The following SLC52A3 variants were observed in gnomAD, a reference collection of about 807,000 sequenced individuals.
SLC52A3 encodes the protein solute carrier family 52 member 3.
Under a neutral mutation model 29.5 loss-of-function variants are expected in SLC52A3, and 20 were observed. The ratio of observed to expected loss-of-function variants is 0.68; its 90% CI spans 0.48 to 0.99. The LOEUF is 0.99. Ranked by LOEUF, SLC52A3 falls within the 50% of genes least tolerant of loss-of-function variation. The pLI, the probability that SLC52A3 is intolerant of heterozygous loss-of-function variation, is 0.00. For missense variants in SLC52A3, 548 were observed against 612.9 expected, an observed-to-expected ratio of 0.89 and a Z score of 1.12; for synonymous variants, 301 against 271.0, an observed-to-expected ratio of 1.11 and a Z score of -1.09.
In SLC52A3 at chr20:763,899, G is replaced by A. The variant is rs1986582153; in HGVS notation, c.672C>T (p.Phe224=). 6.2e-7 allele frequency: 1 copy of A among 1,614,150 alleles called. No individual in the cohort carries two copies. The change falls in exon 3 of 5, where the codon TTC becomes TTT. Residue 224 remains phenylalanine (F), a synonymous_variant. Transcript: ENST00000645534. ...LPAHFSPLVF[F]LLLSIMMACC... is the part of the protein sequence containing the mutation. Reference sequence around the variant, plus strand: ...AGGCCATCATGATGGATAGGAGGAGGAAGAAGACCAGGGGTGAGAAGTGGG... The same window carrying A: ...AGGCCATCATGATGGATAGGAGGAGAAAGAAGACCAGGGGTGAGAAGTGGG...
At chr20:776,831 G>A (rs1375747346), upstream of SLC52A3, among the ~76,000 whole-genome samples, 1 of 147,256 alleles carries the variant, frequency 6.8e-6, no homozygotes, top group Non-Finnish European at 1.5e-5. Context: ...GGTTGAAGCT[G>A]TGCTCCTACA....
At chr20:778,544 T>C (rs558555512), upstream of SLC52A3, among the ~76,000 whole-genome samples, 13 of 152,292 alleles carry the variant, frequency 8.5e-5, no homozygotes, top group South Asian at 2.5e-3. Flanking sequence ...CATGTCAATT[T>C]AATTCATAGC....
Position 765,974 on chromosome 20 carries a change from T to C in SLC52A3, c.-51-149A>G. On this transcript the variant is annotated intron_variant, in intron 1 of 4. Transcript: ENST00000645534. The surrounding 1 kb of genome is among the most constrained non-coding windows in gnomAD (Gnocchi z 6.6). ...TCCTTTGAGACATAGTTTCACTCTT[T>C]TAGTCCAGGCTGGAGTGCAATGGGA... The C allele has an allele frequency of 1.7e-6, 1 of 603,820 alleles. No individual in the cohort carries two copies. The highest frequency in any genetic ancestry group is 2.0e-5 in the South Asian group (1 of 49,386). 37.4% of individuals were successfully genotyped at this position (603,820 alleles called of 1,614,324 possible).
intron 1 of SLC52A3, among the ~76,000 whole-genome samples, chr20:774,926 C>T (rs1286428382): frequency 2.0e-5 from 3 of 152,258 alleles, no homozygotes; most frequent in Admixed American, 1.3e-4. Context: ...CTCACCCTCT[C>T]TAGGCCTTGG....
At chr20:777,272 C>CAAAAAA (rs11438035), upstream of SLC52A3, among the ~76,000 whole-genome samples, 1 of 148,012 alleles carries the variant, frequency 6.8e-6, no homozygotes, top group African/African-American at 2.5e-5. Flanking sequence ...AAACAAAAAA[C>CAAAAAA]AAAAAAAAAA....
chr20:763,424 G>A, intron 3 of SLC52A3, 74 bp downstream of exon 3: 1 of 1,591,926 alleles, frequency 6.3e-7, no homozygotes, highest in South Asian at 1.1e-5. Flanking sequence ...AGCCCAGTAG[G>A]TGCGTTTGGA....
At chr20:776,816 T>C (rs1311895598), upstream of SLC52A3, among the ~76,000 whole-genome samples, 7 of 142,096 alleles carry the variant, frequency 4.9e-5, no homozygotes, top group South Asian at 2.2e-4. Flanking sequence ...GATGAAATCA[T>C]AGGGGGTTGA....
At chr20:779,376 C>A (rs911625217), upstream of SLC52A3, among the ~76,000 whole-genome samples, 1 of 152,218 alleles carries the variant, frequency 6.6e-6, no homozygotes, top group Non-Finnish European at 1.5e-5. Context: ...AATCCCAGCA[C>A]TTTGGGAGGC....
intron 1 of SLC52A3, among the ~76,000 whole-genome samples, 160 bp downstream of exon 1, chr20:768,137 C>T (rs1986744869): frequency 6.6e-6 from 1 of 152,110 alleles, no homozygotes; most frequent in African/African-American, 2.4e-5. Context: ...TCCAACAGTC[C>T]CAGCATAGGG....
At chr20:766,688 C>T (rs1326651557) in intron 1 of SLC52A3, among the ~76,000 whole-genome samples, 3 of 152,122 alleles carry the variant, frequency 2.0e-5, no homozygotes, top group East Asian at 1.9e-4. Context: ...TATCTCCCTT[C>T]GCTGACTCTC....
In SLC52A3 at chr20:765,832, G is replaced by T; in HGVS notation, c.-51-7C>A. 6.6e-7 allele frequency: 1 copy of T among 1,524,756 alleles called. No individual in the cohort carries two copies. The highest frequency in any genetic ancestry group is 1.2e-5 in the South Asian group (1 of 85,618). 94.5% of individuals were successfully genotyped at this position (1,524,756 alleles called of 1,614,324 possible). ...AGATCAGCCTGCAGCGGGGCTGGCA[G>T]AGAAGGACACCAGGTGAGTAATTCC... On this transcript the variant is annotated splice_polypyrimidine_tract_variant and splice_region_variant and intron_variant, in intron 1 of 4. Transcript: ENST00000645534. This position sits in a 1 kb window ranked among gnomAD's most constrained non-coding sequence, Gnocchi z 6.6.
Position 760,288 on chromosome 20 carries a change from G to C in SLC52A3, c.*738C>G, listed in dbSNP as rs1051923357. On this transcript the variant is annotated 3_prime_UTR_variant, in exon 5 of 5. Coordinates refer to ENST00000645534, the MANE Select transcript of SLC52A3 (RefSeq NM_033409.4). This position sits in a 1 kb window ranked among gnomAD's most constrained non-coding sequence, Gnocchi z 4.9. The stretch of plus-strand genomic sequence containing the variant: ...ATCATCTCTCCCGGCTTCCAGGAGG[G>C]TACTTACTCTCCAACTAGTGGGCTT... 2.0e-5 allele frequency: 3 copies of C among 152,208 alleles called. No homozygotes were observed. Among genetic ancestry groups the C allele is most frequent in the Non-Finnish European group, 4.4e-5 (3 of 68,088 alleles). The allele number at this position is 152,208 out of a possible 1,614,324, so 9.4% of individuals were successfully genotyped here.
Position 761,050 on chromosome 20 carries a change from G to T in SLC52A3, c.1386C>A (p.Phe462Leu), listed in dbSNP as rs369872639. 9.9e-6 allele frequency: 16 copies of T among 1,608,930 alleles called. No homozygotes were observed. Among genetic ancestry groups the T allele is most frequent in the Non-Finnish European group, 1.4e-5 (16 of 1,178,316 alleles). ...CCTAGGCTGGACAGTGCAGATTGCA[G>T]AAGTCCGCGGACGAGAAGAGCCGCA... The part of the protein sequence containing the change: ...NVLRLFSSAD[F>L]CNLHCPA The change falls in exon 5 of 5, where the codon TTC becomes TTA. Residue 462 changes from phenylalanine (F) to leucine (L), a missense_variant. Around this residue, in one of 2 missense-constraint regions of SLC52A3, gnomAD observed 173 missense variants for 141.8 expected, o/e 1.22. Coordinates refer to ENST00000645534, the MANE Select transcript of SLC52A3 (RefSeq NM_033409.4).
chr20:761,484 C>G (rs1986477613), intron 4 of SLC52A3: 1 of 740,610 alleles, frequency 1.4e-6, no homozygotes, highest in Non-Finnish European at 2.2e-6. Flanking sequence ...AGAGAAGGCC[C>G]CTGCTGAGGT....
intron 3 of SLC52A3, among the ~76,000 whole-genome samples, chr20:762,860 A>C (rs1246176324): frequency 6.6e-6 from 1 of 152,184 alleles, no homozygotes; most frequent in Admixed American, 6.5e-5. Flanking sequence ...CCCACCTCAA[A>C]TGTCAAGATC....
rs376995195 is a variant in SLC52A3, at chr20:765,670, G to A, written c.105C>T (p.Pro35=). 9.9e-6 allele frequency: 16 copies of A among 1,612,780 alleles called. No individual in the cohort carries two copies. In the East Asian group the frequency reaches 1.1e-4, roughly 11 times the overall value. The part of the protein sequence containing the change: ...VELPLLVMEL[P]EGWYLPSYLT... Reference sequence around the variant, plus strand: ...GGTAGGAGGGCAGGTACCAGCCCTCGGGCAGCTCCATCACCAGCAGGGGCA... The same window carrying A: ...GGTAGGAGGGCAGGTACCAGCCCTCAGGCAGCTCCATCACCAGCAGGGGCA... Residue 35 remains proline, a synonymous_variant, in exon 2 of 5, where the codon CCC becomes CCT. Coordinates refer to ENST00000645534, the MANE Select transcript of SLC52A3 (RefSeq NM_033409.4). The surrounding 1 kb of genome is among the most constrained non-coding windows in gnomAD (Gnocchi z 6.6).
At chr20:772,576 C>T (rs1986874235), upstream of SLC52A3, among the ~76,000 whole-genome samples, 2 of 109,960 alleles carry the variant, frequency 1.8e-5, no homozygotes, top group Non-Finnish European at 4.0e-5. Flanking sequence ...AGATGCATAT[C>T]TGTATTTTCT....
intron 3 of SLC52A3, 148 bp from the exon 4 acceptor site, chr20:761,972 G>A (rs1986505732): frequency 1.6e-6 from 2 of 1,214,836 alleles, no homozygotes; most frequent in Admixed American, 2.0e-5. Context: ...AAGTGGGTCA[G>A]GGAGGCTCCT....
chr20:761,239 C>T lies in SLC52A3; in HGVS notation c.1198-1G>A. 1 of 1,547,100 alleles carries T rather than the reference C, an allele frequency of 6.5e-7. No homozygotes were observed. The highest frequency in any genetic ancestry group is 8.7e-7 in the Non-Finnish European group (1 of 1,145,618). ...CGCTGAAAAGCACCCACGAGGCCAC[C>T]TGCGGGGCCGGGAGGGAAGAGGTGC... On this transcript the variant is annotated splice_acceptor_variant, in intron 4 of 4. Transcript: ENST00000645534. LOFTEE classifies it high-confidence loss of function.
Sources: allele counts gnomAD v4.1 joint callset (sites outside exome capture counted in the v4.1 genomes callset), GRCh38; gene constraint gnomAD v4.1.1; regional missense constraint gnomAD v4.1.1; non-coding constraint Gnocchi (gnomAD v3.1); transcripts MANE v1.5; gene names NCBI Gene and HGNC (gene_info 2026-07-23, HGNC 2026-07-21).